OSBPL8: variants seen among roughly 807,000 people sequenced by gnomAD.
OSBPL8 encodes the protein oxysterol binding protein like 8.
Under a neutral mutation model 125.5 loss-of-function variants are expected in OSBPL8, and 59 were observed. The ratio of observed to expected loss-of-function variants is 0.47; its 90% confidence interval spans 0.38 to 0.58. The LOEUF is 0.58. OSBPL8 is among the 20% of genes least tolerant of loss of function. The pLI is 0.00. For missense variants in OSBPL8, 758 were observed against 1,047.8 expected (o/e 0.72, Z 3.82); for synonymous variants, 330 against 338.9 (o/e 0.97, Z 0.29).
rs1245928642 is a variant in OSBPL8 at position 76,352,451 on chromosome 12, A to G, written c.*3438T>C. On this transcript the variant is annotated 3_prime_UTR_variant, in exon 24 of 24. Transcript: ENST00000261183. ...AAATTAAATATACTAAACTCACACA[A>G]CAGGTAGAATAAAATGAAACCAAAT... The G allele has an allele frequency of 6.6e-6, 1 of 152,582 alleles. No individual in the cohort carries two copies. Among genetic ancestry groups the G allele is most frequent in the Non-Finnish European group, 1.5e-5 (1 of 67,974 alleles). The allele number at this position is 152,582 out of a possible 1,614,324, so 9.5% of individuals were successfully genotyped here. A position where few individuals can be genotyped will look rare whatever the true frequency, so the allele number is the denominator to read the frequency against.
chr12:76,483,320 T>C (rs1195597966), intron 2 of OSBPL8, among the ~76,000 whole-genome samples: 2 of 151,360 alleles, frequency 1.3e-5, no homozygotes, highest in East Asian at 1.9e-4. Context: ...CCTAGCACTT[T>C]GGGAGACTGA....
chr12:76,439,138 TG>T (rs969146281), intron 4 of OSBPL8, among the ~76,000 whole-genome samples: 3 of 152,162 alleles, frequency 2.0e-5, no homozygotes, highest in Non-Finnish European at 2.9e-5. Context: ...CCTAGCACTT[TG>T]GGAGGCCGAG....
At chr12:76,473,932 TG>T (rs1052219368) in intron 2 of OSBPL8, among the ~76,000 whole-genome samples, 4 of 152,348 alleles carry the variant, frequency 2.6e-5, no homozygotes, top group African/African-American at 9.6e-5. Flanking sequence ...AATGAGTTTA[TG>T]GGCAAGGCAT....
chr12:76,450,317 G>GA (rs1873230510), intron 4 of OSBPL8, among the ~76,000 whole-genome samples: 1 of 152,132 alleles, frequency 6.6e-6, no homozygotes, highest in African/African-American at 2.4e-5. Flanking sequence ...GAGAAGTCCT[G>GA]AAAATAGTTC....
chr12:76,390,071 T>C, intron 11 of OSBPL8: 2 of 403,070 alleles, frequency 5.0e-6, no homozygotes, highest in South Asian at 1.8e-4. Flanking sequence ...TTATAGCCTA[T>C]TATTTTATAC....
At chr12:76,494,729 G>A (rs950039184) in intron 1 of OSBPL8, among the ~76,000 whole-genome samples, 1 of 152,166 alleles carries the variant, frequency 6.6e-6, no homozygotes, top group Admixed American at 6.5e-5. Context: ...TCTTCTTTGG[G>A]AAAGCAGGGC....
chr12:76,469,699 C>T (rs532719151), intron 2 of OSBPL8, among the ~76,000 whole-genome samples: 2 of 152,288 alleles, frequency 1.3e-5, no homozygotes, highest in African/African-American at 4.8e-5. Context: ...ACTCTCTATC[C>T]TTCTTACCCT....
chr12:76,474,781 C>G (rs138910827), intron 2 of OSBPL8, among the ~76,000 whole-genome samples: 1,600 of 152,322 alleles, frequency 0.011, 38 homozygotes, highest in African/African-American at 0.037. Context: ...CTGCACCCAG[C>G]CCGAAATTAA....
chr12:76,461,981 A>C (rs746144786), intron 2 of OSBPL8, among the ~76,000 whole-genome samples: 11 of 152,250 alleles, frequency 7.2e-5, no homozygotes, highest in Non-Finnish European at 1.5e-4. Flanking sequence ...AACTGTGGCA[A>C]ACTTTACAAA....
intron 1 of OSBPL8, among the ~76,000 whole-genome samples, chr12:76,513,444 A>G (rs1290627018): frequency 6.6e-6 from 1 of 152,234 alleles, no homozygotes; most frequent in African/African-American, 2.4e-5. Context: ...TGTCAGATCC[A>G]TTTGATCTAA....
intron 4 of OSBPL8, among the ~76,000 whole-genome samples, chr12:76,422,133 T>G (rs2136501989): frequency 6.6e-6 from 1 of 152,174 alleles, no homozygotes; most frequent in African/African-American, 2.4e-5. Context: ...TGAACAAATA[T>G]CAATATTAAT....
chr12:76,392,072 G>A (rs535023037), intron 10 of OSBPL8, among the ~76,000 whole-genome samples: 2 of 152,256 alleles, frequency 1.3e-5, no homozygotes, highest in Admixed American at 6.5e-5. Flanking sequence ...AAATGCTTCA[G>A]GGAATAAAAC....
rs1380736127 is a variant in OSBPL8 at position 76,377,827 on chromosome 12, TTA to T, written c.1729+623_1729+624del. Among the ~76,000 whole-genome samples, 15 of 152,292 alleles carry T rather than the reference TTA, an allele frequency of 9.8e-5. No homozygotes were observed. In the East Asian group the frequency reaches 2.9e-3, roughly 29 times the overall value. On this transcript the variant is annotated intron_variant, in intron 16 of 23. Coordinates refer to ENST00000261183, the MANE Select transcript of OSBPL8 (RefSeq NM_020841.5). The stretch of plus-strand genomic sequence containing the variant: ...TTTTAGCTGTATGATCTCAGGCATA[TTA>T]ACCTCTCTGTGCTTCATTTTTCCTC...
At chr12:76,370,229 T>C (rs1158978392) in intron 19 of OSBPL8, among the ~76,000 whole-genome samples, 2 of 152,220 alleles carry the variant, frequency 1.3e-5, no homozygotes, top group African/African-American at 4.8e-5. Context: ...TGTAATGCAG[T>C]GCTTCTGAAG....
intron 1 of OSBPL8, among the ~76,000 whole-genome samples, chr12:76,512,874 A>G (rs935719638): frequency 2.0e-5 from 3 of 152,102 alleles, no homozygotes; most frequent in African/African-American, 7.2e-5. Flanking sequence ...GCAGTGTTTT[A>G]TAATTCTCAT....
intron 1 of OSBPL8, among the ~76,000 whole-genome samples, chr12:76,529,708 A>G (rs1032415824): frequency 6.6e-6 from 1 of 152,198 alleles, no homozygotes; most frequent in African/African-American, 2.4e-5. Context: ...TGGCTAAAGC[A>G]TAGTAAGCAA....
At chr12:76,558,090 G>C (rs1264112899) in intron 1 of OSBPL8, among the ~76,000 whole-genome samples, 1 of 151,494 alleles carries the variant, frequency 6.6e-6, no homozygotes, top group Non-Finnish European at 1.5e-5. Flanking sequence ...AGCCCTTTGA[G>C]CAGGTATATT....
At chr12:76,426,972 CCTT>C (rs1045472277) in intron 4 of OSBPL8, among the ~76,000 whole-genome samples, 18 of 152,072 alleles carry the variant, frequency 1.2e-4, no homozygotes, top group South Asian at 4.1e-4. Flanking sequence ...CATCTGCACT[CCTT>C]CTCCCACAAG....
rs144721073 is a variant in OSBPL8, at chr12:76,534,558, C to T, written c.-68+24839G>A. On this transcript the variant is annotated intron_variant, in intron 1 of 23. Transcript: ENST00000261183. ...TACTTTGCTTCTTCCTTAATATATA[C>T]AATATCTGCATTGGAAAATAACAAG... 3.3e-5 allele frequency among the ~76,000 whole-genome samples: 5 copies of T among 152,206 alleles called. No individual in the cohort carries two copies. The East Asian group carries it at 5.8e-4, about 18-fold the overall frequency.
Sources: allele counts gnomAD v4.1 joint callset (sites outside exome capture counted in the v4.1 genomes callset), GRCh38; gene constraint gnomAD v4.1.1; transcripts MANE v1.5; gene names NCBI Gene and HGNC (gene_info 2026-07-23, HGNC 2026-07-21).